The following LIMA1 variants were observed in gnomAD, a reference collection of about 807,000 sequenced individuals.
LIMA1 encodes LIM domain and actin-binding protein 1.
Under a neutral mutation model 62.6 loss-of-function variants are expected in LIMA1, and 52 were observed. The observed-to-expected ratio is 0.83, with a 90% confidence interval of 0.67 to 1.05. The LOEUF is 1.05. LIMA1 is among the 50% of genes least tolerant of loss of function. The pLI is 0.00. For synonymous variants in LIMA1, 302 were observed against 317.8 expected, an observed-to-expected ratio of 0.95 and a Z score of 0.53; for missense variants, 780 against 902.2, an observed-to-expected ratio of 0.86 and a Z score of 1.74.
chr12:50,280,770 A>C (rs1942331582), intron 1 of LIMA1, among the ~76,000 whole-genome samples: 1 of 152,200 alleles, frequency 6.6e-6, no homozygotes, highest in African/African-American at 2.4e-5. Context: ...ATCATTAAGT[A>C]GAAACTACTT....
At chr12:50,277,335 C>G (rs1942287992) in intron 1 of LIMA1, among the ~76,000 whole-genome samples, 1 of 152,146 alleles carries the variant, frequency 6.6e-6, no homozygotes, top group South Asian at 2.1e-4. Context: ...CCAGGCTCCC[C>G]TTGCTACTCC....
chr12:50,219,035 A>G (rs1245960873), intron 4 of LIMA1, among the ~76,000 whole-genome samples: 1 of 152,230 alleles, frequency 6.6e-6, no homozygotes, highest in East Asian at 1.9e-4. Flanking sequence ...AAGTATAAAC[A>G]CACTGAAGTT....
chr12:50,257,460 C>CCA (rs1286565422), intron 1 of LIMA1, among the ~76,000 whole-genome samples: 1 of 152,154 alleles, frequency 6.6e-6, no homozygotes, highest in Non-Finnish European at 1.5e-5. Flanking sequence ...TTGCATCTGC[C>CCA]ACCCAGAAGG....
At chr12:50,244,218 C>T (rs1250024706) in intron 2 of LIMA1, among the ~76,000 whole-genome samples, 2 of 152,228 alleles carry the variant, frequency 1.3e-5, no homozygotes, top group Admixed American at 1.3e-4. Flanking sequence ...ATTCTCCTGC[C>T]TCAGCCTCCC....
intron 9 of LIMA1, among the ~76,000 whole-genome samples, chr12:50,190,865 C>G (rs551314588): frequency 6.7e-6 from 1 of 150,078 alleles, no homozygotes; most frequent in Admixed American, 6.6e-5. Context: ...TACCTGTAAT[C>G]CCAGCATTTT....
At chr12:50,274,753 G>T (rs756313377) in intron 1 of LIMA1, among the ~76,000 whole-genome samples, 40 of 152,144 alleles carry the variant, frequency 2.6e-4, no homozygotes, top group African/African-American at 7.5e-4. Flanking sequence ...ATCAGGGAAG[G>T]CCTCATTGAG....
At chr12:50,193,666 A>ATATTT (rs1555204645) in intron 8 of LIMA1, among the ~76,000 whole-genome samples, 4 of 60,030 alleles carry the variant, frequency 6.7e-5, no homozygotes, top group African/African-American at 2.2e-4. Context: ...ATATATATAT[A>ATATTT]TTTTTTTTTT....
intron 2 of LIMA1, among the ~76,000 whole-genome samples, chr12:50,245,276 G>T (rs1288691779): frequency 6.6e-6 from 1 of 151,794 alleles, no homozygotes; most frequent in Non-Finnish European, 1.5e-5. Flanking sequence ...AGACGGGCAT[G>T]GTGGTGCATG....
chr12:50,274,044 C>T (rs919920369), intron 1 of LIMA1, among the ~76,000 whole-genome samples: 1 of 152,142 alleles, frequency 6.6e-6, no homozygotes, highest in Non-Finnish European at 1.5e-5. Flanking sequence ...CTGGTTGTCA[C>T]AGTATCCAAA....
intron 1 of LIMA1, among the ~76,000 whole-genome samples, chr12:50,259,986 C>T (rs1942044344): frequency 6.6e-6 from 1 of 152,072 alleles, no homozygotes; most frequent in Admixed American, 6.6e-5. Context: ...ATCCTCTTTT[C>T]CTACCTCCAC....
chr12:50,179,301 A>C (rs1466498478), intron 10 of LIMA1, among the ~76,000 whole-genome samples: 1 of 151,106 alleles, frequency 6.6e-6, no homozygotes, highest in Non-Finnish European at 1.5e-5. Flanking sequence ...GCCACCATGC[A>C]CGGCAAATTT....
Position 50,263,834 on chromosome 12 carries a change from G to GTA in LIMA1, c.-23-15062_-23-15061dup, listed in dbSNP as rs71441348. Among the ~76,000 whole-genome samples, 178 of 116,258 alleles carry GTA rather than the reference G, an allele frequency of 1.5e-3. 1 individual carries two copies. In the Middle Eastern group the frequency reaches 0.016, roughly 11 times the overall value. The allele number at this position is 116,258 out of a possible 152,430, so 76.3% of individuals were successfully genotyped here. ...GTGTGTCTATATATATATAGAGAGA[G>GTA]TATATATATATATATATAGAGAGTA... On this transcript the variant is annotated intron_variant, in intron 1 of 10. Coordinates refer to ENST00000341247, the MANE Select transcript of LIMA1 (RefSeq NM_016357.5).
chr12:50,185,561 A>T, intron 9 of LIMA1: 1 of 435,722 alleles, frequency 2.3e-6, no homozygotes, highest in Non-Finnish European at 4.6e-6. Flanking sequence ...ATAAGACCAC[A>T]TTTTTCTTTT....
At chr12:50,269,291 A>G (rs1942175077) in intron 1 of LIMA1, among the ~76,000 whole-genome samples, 1 of 152,204 alleles carries the variant, frequency 6.6e-6, no homozygotes, top group Non-Finnish European at 1.5e-5. Context: ...TTACCGACTC[A>G]CTTTATGTAA....
At chr12:50,184,056 C>A (rs993678489) in intron 9 of LIMA1, among the ~76,000 whole-genome samples, 4 of 152,052 alleles carry the variant, frequency 2.6e-5, no homozygotes, top group African/African-American at 9.7e-5. Flanking sequence ...AAGGAAGGAA[C>A]AAAGCTGAGT....
intron 1 of LIMA1, among the ~76,000 whole-genome samples, chr12:50,269,922 T>TAAAAA (rs1172694068): frequency 2.1e-5 from 2 of 94,720 alleles, no homozygotes; most frequent in Admixed American, 1.3e-4. Flanking sequence ...CTCCGTCAAA[T>TAAAAA]AAAAAAAAAA....
At chr12:50,231,567 G>A (rs776200966) in intron 3 of LIMA1, 98 bp downstream of exon 3, 6 of 1,083,876 alleles carry the variant, frequency 5.5e-6, no homozygotes, top group Non-Finnish European at 8.6e-6. Flanking sequence ...TGTCCACTCA[G>A]CTGACATAGA....
At chr12:50,204,001 T>C (rs1050940774) in intron 6 of LIMA1, among the ~76,000 whole-genome samples, 2 of 152,098 alleles carry the variant, frequency 1.3e-5, no homozygotes, top group African/African-American at 4.8e-5. Context: ...AATTAAACAG[T>C]GGTAATGGTT....
rs373254884 is a variant in LIMA1, at chr12:50,195,891, CA to C, written c.973-5del. 0.22 allele frequency: 233,204 copies of C among 1,058,628 alleles called. 116 individuals are homozygous for C. Among genetic ancestry groups the C allele is most frequent in the East Asian group, 0.26 (7,092 of 27,598 alleles). 65.6% of individuals were successfully genotyped at this position (1,058,628 alleles called of 1,614,324 possible). On this transcript the variant is annotated splice_polypyrimidine_tract_variant and splice_region_variant and intron_variant, in intron 7 of 10. Coordinates refer to ENST00000341247, the MANE Select transcript of LIMA1 (RefSeq NM_016357.5). ...GGCTATTCTCATTTGCAGAAATCTA[CA>C]AAAAAAAAAAAAAAAAAAAAGTTAG... is the stretch of plus-strand genomic sequence containing the variant.
Sources: gnomAD v4.1 joint callset for allele counts (sites outside exome capture counted in the v4.1 genomes callset) on GRCh38, gnomAD v4.1.1 for gene constraint, MANE v1.5 for transcripts, NCBI Gene and HGNC (gene_info 2026-07-23, HGNC 2026-07-21) for gene names.